RBFOX2: variants seen among roughly 807,000 people sequenced by gnomAD.
RBFOX2 encodes the protein RNA binding fox-1 homolog 2, also known as RNA binding protein fox-1 homolog 2.
Under a neutral mutation model 49.1 loss-of-function variants are expected in RBFOX2, and 10 were observed. The observed-to-expected ratio is 0.20, with a 90% CI of 0.13 to 0.35. RBFOX2 has a LOEUF of 0.35. RBFOX2 is among the 10% of genes least tolerant of loss of function. RBFOX2 has a pLI of 1.00. For synonymous variants in RBFOX2, 183 were observed against 187.4 expected (o/e 0.98, Z 0.19); for missense variants, 323 against 486.9 (o/e 0.66, Z 3.17).
chr22:35,826,215 G>A (rs757151909), intron 1 of RBFOX2, among the ~76,000 whole-genome samples: 1 of 151,264 alleles, frequency 6.6e-6, no homozygotes, highest in Admixed American at 6.6e-5. Context: ...GGTGGCGCAT[G>A]TCTGTAATCT....
rs559538222 is a variant in RBFOX2 at position 35,889,529 on chromosome 22, C to T, written c.-34+49318G>A. On this transcript the variant is annotated intron_variant, in intron 1 of 13. Transcript: ENST00000359369. ...CTCCAGCCCATTCTATCATGACCTT[C>T]CCTGTCACTCAGACTCTTACACAAC... Among the ~76,000 whole-genome samples the T allele has an allele frequency of 7.9e-5, 12 of 152,266 alleles. No individual in the cohort carries two copies. In the South Asian group the frequency reaches 2.5e-3, roughly 32 times the overall value.
intron 1 of RBFOX2, among the ~76,000 whole-genome samples, chr22:35,929,679 T>C (rs992625122): frequency 1.3e-5 from 2 of 152,080 alleles, no homozygotes; most frequent in African/African-American, 4.8e-5. Context: ...TGAGACATGG[T>C]CTCGCTGTGT....
intron 1 of RBFOX2, chr22:35,999,551 G>C (rs962140981): frequency 4.6e-5 from 7 of 152,108 alleles, no homozygotes; most frequent in Admixed American, 3.3e-4. Context: ...GCAAGACTCT[G>C]TCTCTAAAAA....
At position 35,765,352 on chromosome 22, in the gene RBFOX2, C is replaced by G. The variant is rs559013953; in HGVS notation, c.607+71G>C. The G allele has an allele frequency of 7.0e-5, 78 of 1,108,502 alleles. No homozygotes were observed. The African/African-American group carries it at 1.2e-3, about 18-fold the overall frequency. The allele number at this position is 1,108,502 out of a possible 1,614,324, so 68.7% of individuals were successfully genotyped here. On this transcript the variant is annotated intron_variant, in intron 6 of 11. Coordinates refer to ENST00000405409, the Ensembl canonical transcript of RBFOX2. ...GTCTTAAGACGGAAATAAAGACATT[C>G]TTAGAAGTTTATAAAAACTTCATAT...
chr22:35,811,914 T>G (rs957893760), intron 1 of RBFOX2, among the ~76,000 whole-genome samples: 1 of 150,002 alleles, frequency 6.7e-6, no homozygotes, highest in Non-Finnish European at 1.5e-5. Flanking sequence ...TGAGCCATGA[T>G]TGCATCACCC....
At chr22:35,758,032 TCAAATGC>T (rs1937516039) in intron 9 of RBFOX2, among the ~76,000 whole-genome samples, 2 of 152,176 alleles carry the variant, frequency 1.3e-5, no homozygotes, top group African/African-American at 4.8e-5. Flanking sequence ...ATTCCCTGTA[TCAAATGC>T]CACAAGGAGG....
At chr22:35,970,685 T>A (rs1250314513) in intron 1 of RBFOX2, among the ~76,000 whole-genome samples, 2 of 151,796 alleles carry the variant, frequency 1.3e-5, no homozygotes, top group African/African-American at 4.8e-5. Flanking sequence ...GAAGAAGAAA[T>A]GTGATCATGG....
intron 1 of RBFOX2, chr22:35,822,871 C>G (rs777213866): frequency 2.4e-6 from 1 of 415,850 alleles, no homozygotes; most frequent in African/African-American, 2.2e-5. Context: ...GTCGCCCAGG[C>G]TGGAGTGCAG....
At chr22:35,952,950 A>G (rs983571056) in intron 1 of RBFOX2, among the ~76,000 whole-genome samples, 1 of 152,056 alleles carries the variant, frequency 6.6e-6, no homozygotes, top group African/African-American at 2.4e-5. Context: ...AGTGGCTCAC[A>G]CCTGTAATCC....
At chr22:35,779,535 G>A (rs1016448325) in intron 3 of RBFOX2, among the ~76,000 whole-genome samples, 1 of 152,216 alleles carries the variant, frequency 6.6e-6, no homozygotes, top group African/African-American at 2.4e-5. Context: ...TATTTTAGAT[G>A]GGAGGGCATT....
At chr22:35,964,132 AT>A (rs989485770), upstream of RBFOX2, among the ~76,000 whole-genome samples, 20 of 152,016 alleles carry the variant, frequency 1.3e-4, no homozygotes, top group Middle Eastern at 6.8e-3. Flanking sequence ...TCATTATTTC[AT>A]TTTTTTTAAA....
At chr22:35,842,225 T>C (rs992328920), upstream of RBFOX2, among the ~76,000 whole-genome samples, 1 of 152,228 alleles carries the variant, frequency 6.6e-6, no homozygotes, top group Non-Finnish European at 1.5e-5. Context: ...TATCAGGCTC[T>C]ATTCTGTGCA....
intron 1 of RBFOX2, among the ~76,000 whole-genome samples, chr22:35,919,857 C>T (rs907304667): frequency 2.0e-5 from 3 of 152,226 alleles, no homozygotes; most frequent in Non-Finnish European, 4.4e-5. Flanking sequence ...CCATCCTCTG[C>T]TCACTGCACT....
intron 1 of RBFOX2, among the ~76,000 whole-genome samples, chr22:36,007,426 CCAA>C (rs1364108862): frequency 6.6e-6 from 1 of 152,074 alleles, no homozygotes; most frequent in Non-Finnish European, 1.5e-5. Flanking sequence ...TACTTTTTCT[CCAA>C]CACACAACTT....
rs115084097 is a variant in RBFOX2, at chr22:35,873,407, A to G, written c.-33-63403T>C. The stretch of plus-strand genomic sequence containing the variant: ...TCCCAAAGTGCTGAGATTACAGGCC[A>G]CCACACCCGACCCTGAATGGGTTGT... On this transcript the variant is annotated intron_variant, in intron 1 of 13. Coordinates refer to the RBFOX2 transcript ENST00000359369. 2.6e-3 allele frequency among the ~76,000 whole-genome samples: 396 copies of G among 151,990 alleles called. 4 individuals are homozygous for G. The highest frequency in any genetic ancestry group is 9.3e-3 in the African/African-American group (387 of 41,464).
chr22:35,972,202 C>T (rs1001879425), intron 1 of RBFOX2, among the ~76,000 whole-genome samples: 5 of 151,936 alleles, frequency 3.3e-5, no homozygotes, highest in African/African-American at 9.7e-5. Flanking sequence ...TTTTTAAATG[C>T]TATTTTTAGA....
intron 11 of RBFOX2, among the ~76,000 whole-genome samples, chr22:35,745,146 A>G (rs997810573): frequency 2.0e-5 from 3 of 152,118 alleles, no homozygotes; most frequent in Non-Finnish European, 4.4e-5. Context: ...TTTACATTTC[A>G]TTCTGTCTCC....
chr22:35,805,150 C>A (rs1165102343), intron 2 of RBFOX2, among the ~76,000 whole-genome samples: 2 of 151,774 alleles, frequency 1.3e-5, no homozygotes, highest in Non-Finnish European at 2.9e-5. Context: ...ATTAGCCGGG[C>A]GTGGTGGCGG....
At chr22:35,784,994 TTTA>T (rs1223356364) in intron 2 of RBFOX2, among the ~76,000 whole-genome samples, 9 of 152,204 alleles carry the variant, frequency 5.9e-5, no homozygotes, top group African/African-American at 1.2e-4. Flanking sequence ...TTATTTTTAT[TTTA>T]TTATTATTTT....
Sources: allele counts gnomAD v4.1 joint callset (sites outside exome capture counted in the v4.1 genomes callset), GRCh38; gene constraint gnomAD v4.1.1; transcripts MANE v1.5; gene names NCBI Gene and HGNC (gene_info 2026-07-23, HGNC 2026-07-21).